RAF1: variants seen among roughly 807,000 people sequenced by gnomAD.
RAF1 encodes Raf-1 proto-oncogene, serine/threonine kinase, also known as RAF proto-oncogene serine/threonine-protein kinase.
A neutral mutation model predicts 81.1 loss-of-function variants in RAF1; 27 were observed. The observed-to-expected ratio is 0.33, with a 90% CI of 0.25 to 0.46. The LOEUF is 0.46. RAF1 is among the 20% of genes least tolerant of loss of function. The pLI is 1.00. For synonymous variants in RAF1, 298 were observed against 294.0 expected (o/e 1.01, Z -0.14); for missense variants, 598 against 826.0 (o/e 0.72, Z 3.38).
At chr3:12,634,984 A>C (rs1387930782) in intron 1 of RAF1, among the ~76,000 whole-genome samples, 1 of 152,170 alleles carries the variant, frequency 6.6e-6, no homozygotes, top group Admixed American at 6.6e-5. Context: ...AACTGATATA[A>C]GGAAAAAGTC....
chr3:12,591,093 C>T (rs2058501922), intron 12 of RAF1, 119 bp from the exon 12 acceptor site: 1 of 920,994 alleles, frequency 1.1e-6, no homozygotes. Context: ...CCAACACCAC[C>T]CCCAGTCCCA....
chr3:12,595,021 G>A (rs1194170990), intron 11 of RAF1, among the ~76,000 whole-genome samples: 1 of 152,198 alleles, frequency 6.6e-6, no homozygotes, highest in Non-Finnish European at 1.5e-5. Context: ...GGATCAATGA[G>A]CAAACATTAT....
chr3:12,663,210 G>A (rs2060936692), intron 1 of RAF1, among the ~76,000 whole-genome samples: 2 of 152,272 alleles, frequency 1.3e-5, no homozygotes, highest in South Asian at 2.1e-4. Flanking sequence ...AGACAGCCCT[G>A]GCTCTTCATT....
chr3:12,584,452 A>C lies in RAF1; in HGVS notation c.*62T>G. 1 of 1,604,518 alleles carries C rather than the reference A, an allele frequency of 6.2e-7. No homozygotes were observed. Among genetic ancestry groups the C allele is most frequent in the South Asian group, 1.1e-5 (1 of 90,798 alleles). On this transcript the variant is annotated 3_prime_UTR_variant, in exon 18 of 18. Transcript: ENST00000442415. Reference sequence around the variant, plus strand: ...TTCTGCCTCTGGAGAAAGGGAGCAGAAAAGTGGTGCCTGCTGGCTTCTCCT... The same window carrying C: ...TTCTGCCTCTGGAGAAAGGGAGCAGCAAAGTGGTGCCTGCTGGCTTCTCCT...
rs371491379 is a variant in RAF1, at chr3:12,587,652, G to C, written c.1431-15C>G. On this transcript the variant is annotated splice_polypyrimidine_tract_variant and intron_variant, in intron 13 of 17. Coordinates refer to ENST00000442415, the MANE Select transcript of RAF1 (RefSeq NM_001354689.3). Reference sequence around the variant, plus strand: ...CATGCAAATAGCTGTGAAGGGAAAAGAAATTATTAAAAATAAGTTTGAGGG... The same window carrying C: ...CATGCAAATAGCTGTGAAGGGAAAACAAATTATTAAAAATAAGTTTGAGGG... 1.3e-6 allele frequency: 2 copies of C among 1,599,984 alleles called. No individual in the cohort carries two copies. The highest frequency in any genetic ancestry group is 2.7e-5 in the African/African-American group (2 of 74,686).
intron 2 of RAF1, among the ~76,000 whole-genome samples, chr3:12,617,579 T>C (rs1039487856): frequency 6.6e-6 from 1 of 152,042 alleles, no homozygotes; most frequent in Non-Finnish European, 1.5e-5. Flanking sequence ...GCTAAATTCT[T>C]AGAAAAATTG....
intron 1 of RAF1, among the ~76,000 whole-genome samples, chr3:12,637,114 T>C (rs1472588500): frequency 6.6e-6 from 1 of 152,258 alleles, no homozygotes; most frequent in East Asian, 1.9e-4. Context: ...ATTGTGTACC[T>C]CCGCTAGTAA....
At position 12,617,894 on chromosome 3, in the gene RAF1, A is replaced by AG. The variant is rs1168102234; in HGVS notation, c.207+620_207+621insC. Among the ~76,000 whole-genome samples, 35 of 91,752 alleles carry AG rather than the reference A, an allele frequency of 3.8e-4. 1 individual carries two copies. The highest frequency in any genetic ancestry group is 1.8e-3 in the South Asian group (7 of 3,846). 60.2% of individuals were successfully genotyped at this position (91,752 alleles called of 152,430 possible). The stretch of plus-strand genomic sequence containing the variant: ...AATCCGTCTCAAAAAAAAAAAAAAG[A>AG]AAAGAAAAAGAAAAAGAAATTTTCT... On this transcript the variant is annotated intron_variant, in intron 2 of 17. Coordinates refer to ENST00000442415, the MANE Select transcript of RAF1 (RefSeq NM_001354689.3).
At chr3:12,586,519 A>G (rs2058338756) in intron 14 of RAF1, among the ~76,000 whole-genome samples, 1 of 152,192 alleles carries the variant, frequency 6.6e-6, no homozygotes, top group South Asian at 2.1e-4. Context: ...CTTTCATGGT[A>G]TAATGTTTGG....
rs371565419 is a variant in RAF1, at chr3:12,608,912, C to T, written c.435G>A (p.Thr145=). 4.3e-5 allele frequency: 69 copies of T among 1,613,976 alleles called. No individual in the cohort carries two copies. The highest frequency in any genetic ancestry group is 5.3e-5 in the Non-Finnish European group (62 of 1,180,014). ...TGTCACAGAAGGCAAGCTTCAGGAA[C>T]GTCTTCCGAGCCTACAACAAGAACA... The change falls in exon 5 of 18, where the codon ACG becomes ACA. Residue 145 remains threonine (T), a synonymous_variant. Transcript: ENST00000442415.
At chr3:12,590,748 G>C (rs775241771) in intron 13 of RAF1, 50 bp downstream of exon 12, 2 of 1,552,222 alleles carry the variant, frequency 1.3e-6, no homozygotes, top group Non-Finnish European at 8.9e-7. Flanking sequence ...TCCAATTTAG[G>C]GACAAATTTG....
rs530612682 is a variant in RAF1 at position 12,628,667 on chromosome 3, T to C, written c.-26-9920A>G. Among the ~76,000 whole-genome samples, 33 of 149,760 alleles carry C rather than the reference T, an allele frequency of 2.2e-4. 1 individual carries two copies. Among genetic ancestry groups the C allele is most frequent in the African/African-American group, 6.6e-4 (27 of 41,070 alleles). ...TGTGACCTTATTTATCATTCAAATT[T>C]CTACTTTAAAGTAGAAGATACTTTA... On this transcript the variant is annotated intron_variant, in intron 1 of 17. Transcript: ENST00000442415.
At chr3:12,592,979 G>A (rs763427250) in intron 11 of RAF1, among the ~76,000 whole-genome samples, 49 of 151,726 alleles carry the variant, frequency 3.2e-4, no homozygotes, top group Middle Eastern at 3.2e-3. Context: ...GACCTTGTGA[G>A]GCCTCCCACC....
intron 5 of RAF1, among the ~76,000 whole-genome samples, chr3:12,607,366 C>T (rs1449518111): frequency 2.0e-5 from 3 of 152,078 alleles, no homozygotes; most frequent in Non-Finnish European, 4.4e-5. Flanking sequence ...AAGCTTGTGC[C>T]GCCGGATGCG....
intron 1 of RAF1, among the ~76,000 whole-genome samples, chr3:12,653,098 A>T (rs1359048323): frequency 1.3e-5 from 2 of 152,158 alleles, no homozygotes; most frequent in African/African-American, 4.8e-5. Flanking sequence ...CCTGGGCAAC[A>T]GGGTGAAACC....
In RAF1 at chr3:12,608,938, C is replaced by T; in HGVS notation, c.424-15G>A. ...GTCTTCCGAGCCTACAACAAGAACACAGGTGTAAATTATGCTGAATAAATA... is the reference window on the plus strand; with the variant it reads ...GTCTTCCGAGCCTACAACAAGAACATAGGTGTAAATTATGCTGAATAAATA... On this transcript the variant is annotated splice_polypyrimidine_tract_variant and intron_variant, in intron 4 of 17. Transcript: ENST00000442415. The T allele has an allele frequency of 6.2e-7, 1 of 1,613,984 alleles. No homozygotes were observed. The highest frequency in any genetic ancestry group is 2.2e-5 in the East Asian group (1 of 44,872).
At chr3:12,638,530 T>C (rs1440231103) in intron 1 of RAF1, among the ~76,000 whole-genome samples, 3 of 152,362 alleles carry the variant, frequency 2.0e-5, no homozygotes, top group Non-Finnish European at 4.4e-5. Context: ...TATAGAATTC[T>C]ACGTCAGAGG....
chr3:12,584,236 A>G lies in RAF1; in HGVS notation c.*278T>C, dbSNP rs988308231. On this transcript the variant is annotated 3_prime_UTR_variant, in exon 18 of 18. Transcript: ENST00000442415. Reference sequence around the variant, plus strand: ...GCCCCTGCTTTTTGTACTACCATCAACATCCACTTGCGCATCTACAGAAGG... The same window carrying G: ...GCCCCTGCTTTTTGTACTACCATCAGCATCCACTTGCGCATCTACAGAAGG... The G allele has an allele frequency of 5.6e-5, 28 of 498,882 alleles. No homozygotes were observed. Among genetic ancestry groups the G allele is most frequent in the African/African-American group, 3.8e-4 (20 of 52,330 alleles). 30.9% of individuals were successfully genotyped at this position (498,882 alleles called of 1,614,324 possible).
At chr3:12,658,657 C>T (rs968814523) in intron 1 of RAF1, among the ~76,000 whole-genome samples, 1 of 152,094 alleles carries the variant, frequency 6.6e-6, no homozygotes, top group African/African-American at 2.4e-5. Context: ...TGCTGCTTCC[C>T]ATTTATTAAC....
Sources: allele counts gnomAD v4.1 joint callset (sites outside exome capture counted in the v4.1 genomes callset), GRCh38; gene constraint gnomAD v4.1.1; transcripts MANE v1.5; gene names NCBI Gene and HGNC (gene_info 2026-07-23, HGNC 2026-07-21).